The following GUCY1A2 variants were observed in gnomAD, a reference collection of about 807,000 sequenced individuals.
The protein encoded by GUCY1A2 is guanylate cyclase 1 soluble subunit alpha 2, also known as guanylate cyclase soluble subunit alpha-2.
GUCY1A2 carries 27 observed loss-of-function variants against 63.5 expected under a neutral mutation model. That is an observed-to-expected ratio of 0.43 (90% CI 0.31 to 0.59). The LOEUF is 0.59. GUCY1A2 is among the 20% of genes least tolerant of loss of function. The pLI, the probability that GUCY1A2 is intolerant of heterozygous loss-of-function variation, is 0.11. For synonymous variants in GUCY1A2, 364 were observed against 343.5 expected (o/e 1.06, Z -0.66); for missense variants, 768 against 913.3 (o/e 0.84, Z 2.05).
At chr11:106,873,671 C>A (rs541875081) in intron 4 of GUCY1A2, among the ~76,000 whole-genome samples, 3 of 152,040 alleles carry the variant, frequency 2.0e-5, no homozygotes, top group African/African-American at 7.2e-5. Flanking sequence ...GATATTAGAC[C>A]TTTGTCAGAT....
intron 4 of GUCY1A2, among the ~76,000 whole-genome samples, chr11:106,900,321 C>T (rs1236893002): frequency 1.3e-5 from 2 of 152,092 alleles, no homozygotes; most frequent in African/African-American, 4.8e-5. Context: ...GTAGCTGAGA[C>T]TACAGCTGCA....
In GUCY1A2 at chr11:106,675,346, G is replaced by A. The variant is rs2135322787; in HGVS notation, c.*12203C>T. 1 of 196,084 alleles carries A rather than the reference G, an allele frequency of 5.1e-6. No individual in the cohort carries two copies. The highest frequency in any genetic ancestry group is 1.8e-3 in the Middle Eastern group (1 of 562). 12.1% of individuals were successfully genotyped at this position (196,084 alleles called of 1,614,324 possible). ...AAAATCAGAAAGTATTTTTCTCCAT[G>A]GACCATTATTCTATTTGAACCTAAC... On this transcript the variant is annotated 3_prime_UTR_variant, in exon 8 of 8. Transcript: ENST00000526355.
intron 6 of GUCY1A2, among the ~76,000 whole-genome samples, chr11:106,710,418 G>GTA (rs1863096379): frequency 7.3e-6 from 1 of 136,982 alleles, no homozygotes; most frequent in Non-Finnish European, 1.5e-5. Flanking sequence ...CATGTATATA[G>GTA]TATATATATT....
chr11:106,823,204 A>G (rs986271331), intron 4 of GUCY1A2, among the ~76,000 whole-genome samples: 10 of 152,166 alleles, frequency 6.6e-5, no homozygotes, highest in Non-Finnish European at 1.5e-4. Flanking sequence ...AATATTGAAC[A>G]TTGTACCCAA....
At chr11:106,805,664 C>A (rs1255455439) in intron 5 of GUCY1A2, among the ~76,000 whole-genome samples, 2 of 152,132 alleles carry the variant, frequency 1.3e-5, no homozygotes, top group Non-Finnish European at 2.9e-5. Context: ...ACCACTGCTC[C>A]CACAATGCCT....
In GUCY1A2 at chr11:106,757,740, G is replaced by T. The variant is rs977530871; in HGVS notation, c.1836+18699C>A. ...CCTCTGGAAGCTTTGTCCCAGAGGG[G>T]CACCCATGAGATGCCAGCCAGAGCT... On this transcript the variant is annotated intron_variant, in intron 6 of 7. Transcript: ENST00000526355. 3.3e-5 allele frequency among the ~76,000 whole-genome samples: 5 copies of T among 152,150 alleles called. No individual in the cohort carries two copies. In the East Asian group the frequency reaches 9.7e-4, roughly 29 times the overall value.
intron 4 of GUCY1A2, among the ~76,000 whole-genome samples, chr11:106,937,052 ATCTGGGT>A (rs1860688555): frequency 6.6e-6 from 1 of 152,150 alleles, no homozygotes. Flanking sequence ...AATGTTATTC[ATCTGGGT>A]AAGACTGTAT....
At chr11:106,780,610 T>C (rs1038169120) in intron 5 of GUCY1A2, among the ~76,000 whole-genome samples, 6 of 152,144 alleles carry the variant, frequency 3.9e-5, no homozygotes, top group African/African-American at 1.4e-4. Context: ...AGATGTGACA[T>C]ATATATCTTC....
chr11:106,927,013 T>C (rs1367332642), intron 4 of GUCY1A2, among the ~76,000 whole-genome samples: 8 of 149,334 alleles, frequency 5.4e-5, no homozygotes, highest in Admixed American at 5.3e-4. Context: ...AAATCGTATC[T>C]ACTTAAAAAC....
At chr11:106,834,724 C>A (rs144677346) in intron 4 of GUCY1A2, among the ~76,000 whole-genome samples, 1 of 151,930 alleles carries the variant, frequency 6.6e-6, no homozygotes, top group Non-Finnish European at 1.5e-5. Context: ...AAAGCATAAA[C>A]GTTGAGCTAA....
intron 4 of GUCY1A2, among the ~76,000 whole-genome samples, chr11:106,879,146 T>C (rs1859791208): frequency 6.6e-6 from 1 of 152,118 alleles, no homozygotes; most frequent in Non-Finnish European, 1.5e-5. Flanking sequence ...AAGTACACTC[T>C]AAACCTTTTG....
At chr11:106,855,082 T>C (rs1467691469) in intron 4 of GUCY1A2, among the ~76,000 whole-genome samples, 1 of 151,942 alleles carries the variant, frequency 6.6e-6, no homozygotes, top group African/African-American at 2.4e-5. Context: ...TGTAGTCTGG[T>C]GGGAGTTGGG....
At chr11:106,790,040 C>T (rs1197812482) in intron 5 of GUCY1A2, among the ~76,000 whole-genome samples, 2 of 152,176 alleles carry the variant, frequency 1.3e-5, no homozygotes, top group South Asian at 2.1e-4. Flanking sequence ...CCCTTGGGCT[C>T]TAAAAGCAGC....
At chr11:107,000,045 T>C (rs1861592677) in intron 1 of GUCY1A2, among the ~76,000 whole-genome samples, 1 of 152,188 alleles carries the variant, frequency 6.6e-6, no homozygotes, top group Non-Finnish European at 1.5e-5. Flanking sequence ...CCACAATTCA[T>C]ATAGTTAGCC....
At chr11:106,829,582 T>C (rs186198545) in intron 4 of GUCY1A2, among the ~76,000 whole-genome samples, 40 of 152,300 alleles carry the variant, frequency 2.6e-4, no homozygotes, top group African/African-American at 8.7e-4. Flanking sequence ...ATGCAAAGTA[T>C]TGAAGAATGC....
At chr11:106,948,586 A>G (rs1356465745) in intron 3 of GUCY1A2, among the ~76,000 whole-genome samples, 1 of 152,190 alleles carries the variant, frequency 6.6e-6, no homozygotes, top group African/African-American at 2.4e-5. Context: ...TACTAAAAAC[A>G]TTTTAACTAA....
chr11:106,678,091 AT>A lies in GUCY1A2; in HGVS notation c.*9457del. On this transcript the variant is annotated 3_prime_UTR_variant, in exon 8 of 8. Coordinates refer to ENST00000526355, the MANE Select transcript of GUCY1A2 (RefSeq NM_000855.3). ...TTTGGGCTGCCATCCATTAATAATA[AT>A]TTTTACACAGGAACAAAAATTAAAG... 1 of 200,374 alleles carries A rather than the reference AT, an allele frequency of 5.0e-6. No homozygotes were observed. The highest frequency in any genetic ancestry group is 1.0e-5 in the Non-Finnish European group (1 of 96,974). 12.4% of individuals were successfully genotyped at this position (200,374 alleles called of 1,614,324 possible).
intron 7 of GUCY1A2, among the ~76,000 whole-genome samples, chr11:106,690,120 CA>C (rs1428069398): frequency 6.6e-6 from 1 of 152,120 alleles, no homozygotes; most frequent in Admixed American, 6.5e-5. Flanking sequence ...GGAGATTCCT[CA>C]AAGACCTAAA....
intron 6 of GUCY1A2, among the ~76,000 whole-genome samples, chr11:106,730,288 G>C (rs907958909): frequency 6.6e-6 from 1 of 151,294 alleles, no homozygotes; most frequent in Non-Finnish European, 1.5e-5. Context: ...CTGCCCTAAA[G>C]TAGGCCCTGG....
Sources: gnomAD v4.1 joint callset for allele counts (sites outside exome capture counted in the v4.1 genomes callset) on GRCh38, gnomAD v4.1.1 for gene constraint, MANE v1.5 for transcripts, NCBI Gene and HGNC (gene_info 2026-07-23, HGNC 2026-07-21) for gene names.